The following PTPN7 variants were observed in gnomAD, a reference collection of about 807,000 sequenced individuals.
PTPN7 encodes tyrosine-protein phosphatase non-receptor type 7.
Under a neutral mutation model 50.3 loss-of-function variants are expected in PTPN7, and 33 were observed. That is an observed-to-expected ratio of 0.66 (90% CI 0.50 to 0.88). The LOEUF (loss-of-function observed/expected upper bound fraction) is 0.88, where lower values mean the gene tolerates loss of function less well. PTPN7 is among the 40% of genes least tolerant of loss of function. The probability of loss-of-function intolerance (pLI) is 0.00; values close to 1 mark genes in which losing one functional copy is unlikely to be tolerated. For missense variants in PTPN7, 412 were observed against 475.4 expected (o/e 0.87, Z 1.24); for synonymous variants, 185 against 186.6 (o/e 0.99, Z 0.07).
In PTPN7 at chr1:202,147,292, T is replaced by C. The variant is rs1655437227; in HGVS notation, c.*1314A>G. Reference sequence around the variant, plus strand: ...CCCAAGGCTGTAAGGAAGGAGCAGCTCCTCCATAAGGCCAAGCAGAAGCAT... The same window carrying C: ...CCCAAGGCTGTAAGGAAGGAGCAGCCCCTCCATAAGGCCAAGCAGAAGCAT... On this transcript the variant is annotated 3_prime_UTR_variant, in exon 10 of 10. Coordinates refer to ENST00000691036, the MANE Select transcript of PTPN7 (RefSeq NM_002832.4). 2 of 151,888 alleles carry C rather than the reference T, an allele frequency of 1.3e-5. No homozygotes were observed. Among genetic ancestry groups the C allele is most frequent in the Admixed American group, 6.6e-5 (1 of 15,230 alleles). The allele number at this position is 151,888 out of a possible 1,614,324, so 9.4% of individuals were successfully genotyped here. A position where few individuals can be genotyped will look rare whatever the true frequency, so the allele number is the denominator to read the frequency against.
At position 202,148,659 on chromosome 1, in the gene PTPN7, G is replaced by A. The variant is rs371120240; in HGVS notation, c.1030C>T (p.His344Tyr). 4.3e-6 allele frequency: 7 copies of A among 1,613,970 alleles called. No individual in the cohort carries two copies. Among genetic ancestry groups the A allele is most frequent in the Non-Finnish European group, 5.9e-6 (7 of 1,179,940 alleles). Residue 344 changes from histidine (H) to tyrosine (Y), a missense_variant, in exon 10 of 10, where the codon CAC becomes TAC. Coordinates refer to ENST00000691036, the MANE Select transcript of PTPN7 (RefSeq NM_002832.4). Reference sequence around the variant, plus strand: ...CCTGCATACAGGGCCAAAGTGTGGTGCAGGAACTGGTACTGCTCTGCCGTC... The same window carrying A: ...CCTGCATACAGGGCCAAAGTGTGGTACAGGAACTGGTACTGCTCTGCCGTC... ...IQTAEQYQFL[H>Y]HTLALYAGQL...
At chr1:202,155,655 A>G in intron 4 of PTPN7, 46 bp from the exon 5 acceptor site, 5 of 1,455,736 alleles carry the variant, frequency 3.4e-6, no homozygotes, top group Non-Finnish European at 4.8e-6. Flanking sequence ...AAGGTGACCA[A>G]CTAACACAGA....
intron 7 of PTPN7, 41 bp downstream of exon 7, chr1:202,153,684 G>T: frequency 6.6e-7 from 1 of 1,522,302 alleles, no homozygotes; most frequent in Non-Finnish European, 9.1e-7. Context: ...TGCTGTGGGC[G>T]GCCCAACTTC....
chr1:202,159,753 T>G lies in PTPN7; in HGVS notation c.-52-299A>C. 3 of 1,288,746 alleles carry G rather than the reference T, an allele frequency of 2.3e-6. No homozygotes were observed. Among genetic ancestry groups the G allele is most frequent in the Non-Finnish European group, 2.9e-6 (3 of 1,018,068 alleles). 79.8% of individuals were successfully genotyped at this position (1,288,746 alleles called of 1,614,324 possible). The stretch of plus-strand genomic sequence containing the variant: ...GGCCACACACCAGAGTACACAGGGC[T>G]CTGAGCAGGTCCAAGTGGGAGAAGG... On this transcript the variant is annotated intron_variant, in intron 1 of 9. Coordinates refer to ENST00000691036, the MANE Select transcript of PTPN7 (RefSeq NM_002832.4). The surrounding 1 kb of genome is among the most constrained non-coding windows in gnomAD (Gnocchi z 4.6).
chr1:202,157,943 A>C, intron 3 of PTPN7, 120 bp from the exon 4 acceptor site: 2 of 1,173,548 alleles, frequency 1.7e-6, no homozygotes, highest in Non-Finnish European at 2.5e-6. Context: ...GTAGGCCTAG[A>C]TGGGGTGGGG....
Position 202,148,970 on chromosome 1 carries a change from C to T in PTPN7, c.990-271G>A, listed in dbSNP as rs139774444. Among the ~76,000 whole-genome samples, 788 of 145,042 alleles carry T rather than the reference C, an allele frequency of 5.4e-3. 2 individuals carry two copies. Among genetic ancestry groups the T allele is most frequent in the Non-Finnish European group, 7.9e-3 (533 of 67,240 alleles). On this transcript the variant is annotated intron_variant, in intron 9 of 9. Transcript: ENST00000691036. Reference sequence around the variant, plus strand: ...TCCCAGGTTCAAGTGATTCTCCTGCCTCAATCTCCTGAGTAGCTAGGACTA... The same window carrying T: ...TCCCAGGTTCAAGTGATTCTCCTGCTTCAATCTCCTGAGTAGCTAGGACTA...
upstream of PTPN7, chr1:202,160,852 C>G (rs762528148): frequency 1.3e-6 from 2 of 1,500,916 alleles, no homozygotes; most frequent in South Asian, 2.6e-5. This position sits in a 1 kb window ranked among gnomAD's most constrained non-coding sequence, Gnocchi z 4.8. Flanking sequence ...TTCTGTGTTT[C>G]TCCTCTGGGT....
At chr1:202,151,996 G>A (rs1656058910) in intron 8 of PTPN7, among the ~76,000 whole-genome samples, 2 of 151,242 alleles carry the variant, frequency 1.3e-5, no homozygotes, top group Admixed American at 6.6e-5. Flanking sequence ...TCGGCTCACT[G>A]CCTCCAGAGT....
chr1:202,158,615 C>T (rs921982004), intron 2 of PTPN7: 5 of 272,164 alleles, frequency 1.8e-5, no homozygotes, highest in African/African-American at 1.1e-4. Flanking sequence ...GATCCTTCTG[C>T]CTTGGCTTCC....
intron 5 of PTPN7, 42 bp downstream of exon 5, chr1:202,155,491 A>T (rs1031385244): frequency 5.3e-6 from 8 of 1,507,962 alleles, no homozygotes; most frequent in Non-Finnish European, 7.4e-6. Context: ...ACGTCTGAGA[A>T]TTCCCCCATT....
At chr1:202,151,485 A>G (rs1467383420) in intron 8 of PTPN7, among the ~76,000 whole-genome samples, 4 of 152,128 alleles carry the variant, frequency 2.6e-5, no homozygotes, top group African/African-American at 4.8e-5. Flanking sequence ...GGTCCCCATA[A>G]TATCCCCATC....
chr1:202,148,851 T>C, intron 9 of PTPN7, 152 bp from the exon 10 acceptor site: 1 of 448,814 alleles, frequency 2.2e-6, no homozygotes, highest in South Asian at 3.6e-5. Flanking sequence ...TTTTCACTTT[T>C]TTTTTTTTTT....
Position 202,155,445 on chromosome 1 carries a change from C to T in PTPN7, c.468+88G>A. On this transcript the variant is annotated intron_variant, in intron 5 of 9. Transcript: ENST00000691036. The stretch of plus-strand genomic sequence containing the variant: ...GCAGGGAGGGTAGGAAATGCAGGCA[C>T]CTGATCCACCAGCCATGGCTGGAAG... The T allele has an allele frequency of 3.1e-6, 4 of 1,310,346 alleles. No homozygotes were observed. The South Asian group carries it at 5.0e-5, about 16-fold the overall frequency. The allele number at this position is 1,310,346 out of a possible 1,614,324, so 81.2% of individuals were successfully genotyped here.
At position 202,159,061 on chromosome 1, in the gene PTPN7, C is replaced by G. The variant is rs1571763844; in HGVS notation, c.122+220G>C. The G allele has an allele frequency of 1.0e-5, 6 of 574,010 alleles. No homozygotes were observed. In the East Asian group the frequency reaches 1.7e-4, roughly 17 times the overall value. 35.6% of individuals were successfully genotyped at this position (574,010 alleles called of 1,614,324 possible). On this transcript the variant is annotated intron_variant, in intron 2 of 9. Transcript: ENST00000691036. The surrounding 1 kb of genome is among the most constrained non-coding windows in gnomAD (Gnocchi z 4.6). ...GCACCAAGAAGGCTGTGGGCCTTGC[C>G]TGGAATTTAGGGAGCAGGCTCATGG...
rs1656926320 is a variant in PTPN7 at position 202,158,316 on chromosome 1, C to CA, written c.123-16dup. On this transcript the variant is annotated splice_polypyrimidine_tract_variant and intron_variant, in intron 2 of 9. Transcript: ENST00000691036. The stretch of plus-strand genomic sequence containing the variant: ...TGGAGCCCCGCCTGCAGGCATAGCC[C>CA]ACCACTGCCTAGTGAGCACCCAATC... 1.2e-6 allele frequency: 2 copies of CA among 1,612,630 alleles called. No homozygotes were observed. The highest frequency in any genetic ancestry group is 1.3e-5 in the African/African-American group (1 of 74,978).
Position 202,154,223 on chromosome 1 carries a change from A to G in PTPN7, c.569T>C (p.Leu190Pro). 6.2e-7 allele frequency: 1 copy of G among 1,614,106 alleles called. No homozygotes were observed. The highest frequency in any genetic ancestry group is 1.1e-5 in the South Asian group (1 of 91,084). The change falls in exon 6 of 10, where the codon CTC becomes CCC. Residue 190 changes from leucine to proline, a missense_variant. Leu to Pro is a moderately conservative substitution (Grantham distance 98). Coordinates refer to ENST00000691036, the MANE Select transcript of PTPN7 (RefSeq NM_002832.4). Reference protein sequence around the residue: ...WEMVWQEEVSLIVMLTQLREG... With the variant: ...WEMVWQEEVSPIVMLTQLREG... ...TCGGAGCTGAGTGAGCATGACAATG[A>G]GGGACACTTCCTCTTGCCACACCAT...
Position 202,147,062 on chromosome 1 carries a change from G to A in PTPN7, c.*1544C>T, listed in dbSNP as rs1181391759. On this transcript the variant is annotated 3_prime_UTR_variant, in exon 10 of 10. Transcript: ENST00000691036. ...ATTTTCCCACTTGGTTACTGTTCTG[G>A]AGCTTGTACCCTCTGAGCTCTGAGA... 1 of 152,110 alleles carries A rather than the reference G, an allele frequency of 6.6e-6. No individual in the cohort carries two copies. Among genetic ancestry groups the A allele is most frequent in the African/African-American group, 2.4e-5 (1 of 41,392 alleles). 9.4% of individuals were successfully genotyped at this position (152,110 alleles called of 1,614,324 possible).
In PTPN7 at chr1:202,159,747, C is replaced by T; in HGVS notation, c.-52-293G>A. ...GAGAGAGGCCACACACCAGAGTACA[C>T]AGGGCTCTGAGCAGGTCCAAGTGGG... On this transcript the variant is annotated intron_variant, in intron 1 of 9. Transcript: ENST00000691036. The surrounding 1 kb of genome is among the most constrained non-coding windows in gnomAD (Gnocchi z 4.6). 1 of 1,334,862 alleles carries T rather than the reference C, an allele frequency of 7.5e-7. No homozygotes were observed. The highest frequency in any genetic ancestry group is 9.6e-7 in the Non-Finnish European group (1 of 1,043,658). The allele number at this position is 1,334,862 out of a possible 1,614,324, so 82.7% of individuals were successfully genotyped here.
At chr1:202,157,688 C>T (rs370893169) in intron 4 of PTPN7, 51 bp downstream of exon 4, 1 of 1,535,446 alleles carries the variant, frequency 6.5e-7, no homozygotes, top group Non-Finnish European at 9.0e-7. Context: ...CTGAAGTTCT[C>T]TAGCCCCAGG....
Sources: gnomAD v4.1 joint callset for allele counts (sites outside exome capture counted in the v4.1 genomes callset) on GRCh38, gnomAD v4.1.1 for gene constraint, Gnocchi (gnomAD v3.1) non-coding constraint, MANE v1.5 for transcripts, NCBI Gene and HGNC (gene_info 2026-07-23, HGNC 2026-07-21) for gene names.